Variants in ERC2 observed in about 807,000 individuals in gnomAD.
ERC2 encodes ERC protein 2.
A neutral mutation model predicts 114.8 loss-of-function variants in ERC2; 42 were observed. The ratio of observed to expected loss-of-function variants is 0.37; its 90% CI spans 0.29 to 0.47. The LOEUF is 0.47. Among genes scored for constraint, ERC2 ranks in the 20% least tolerant of loss-of-function variants. ERC2 has a pLI of 0.99. For missense variants in ERC2, 939 were observed against 1,150.7 expected, an observed-to-expected ratio of 0.82 and a Z score of 2.66; for synonymous variants, 454 against 425.5, an observed-to-expected ratio of 1.07 and a Z score of -0.82.
At chr3:56,187,187 G>T (rs777475678) in intron 3 of ERC2, among the ~76,000 whole-genome samples, 2 of 152,122 alleles carry the variant, frequency 1.3e-5, no homozygotes, top group Non-Finnish European at 2.9e-5. Context: ...TCTGCCTGTG[G>T]GTTCCCCCAG....
intron 7 of ERC2, among the ~76,000 whole-genome samples, chr3:56,059,542 G>A (rs955247881): frequency 1.3e-5 from 2 of 152,154 alleles, no homozygotes. Context: ...GAAAACTGAG[G>A]TGTCTTTGGG....
intron 1 of ERC2, among the ~76,000 whole-genome samples, chr3:56,445,187 G>A (rs1422066868): frequency 6.6e-6 from 1 of 152,126 alleles, no homozygotes; most frequent in Non-Finnish European, 1.5e-5. Context: ...GAGAGGACAT[G>A]TACCCTCCAG....
At chr3:55,785,688 C>T (rs1179401012) in intron 14 of ERC2, among the ~76,000 whole-genome samples, 1 of 152,220 alleles carries the variant, frequency 6.6e-6, no homozygotes, top group Non-Finnish European at 1.5e-5. Flanking sequence ...GTGCCTTTGA[C>T]TTTTCAGCAA....
intron 13 of ERC2, among the ~76,000 whole-genome samples, chr3:55,939,479 G>C (rs778925696): frequency 6.6e-6 from 1 of 152,202 alleles, no homozygotes; most frequent in African/African-American, 2.4e-5. Flanking sequence ...GGACTTCTCA[G>C]AGCCTTTAAC....
At chr3:55,910,366 C>A (rs901566903) in intron 13 of ERC2, among the ~76,000 whole-genome samples, 2 of 151,094 alleles carry the variant, frequency 1.3e-5, no homozygotes, top group African/African-American at 2.4e-5. Context: ...CATTCCAGCC[C>A]GGGTGACAGA....
chr3:56,147,232 G>A (rs188515561), intron 5 of ERC2, among the ~76,000 whole-genome samples: 66 of 152,256 alleles, frequency 4.3e-4, no homozygotes, highest in African/African-American at 1.5e-3. Flanking sequence ...GCCGAACCTC[G>A]GCTTAACTCT....
intron 2 of ERC2, among the ~76,000 whole-genome samples, chr3:56,383,464 A>G (rs2059826205): frequency 6.6e-6 from 1 of 152,204 alleles, no homozygotes; most frequent in African/African-American, 2.4e-5. Context: ...CTCCACTAGC[A>G]TATAAGCTCC....
intron 13 of ERC2, among the ~76,000 whole-genome samples, chr3:55,910,661 T>C (rs887437503): frequency 6.6e-6 from 1 of 152,218 alleles, no homozygotes; most frequent in Non-Finnish European, 1.5e-5. Flanking sequence ...CTTGTGAGTA[T>C]GAACAATCGT....
chr3:55,666,373 A>G (rs1388244664), intron 17 of ERC2, among the ~76,000 whole-genome samples: 3 of 152,146 alleles, frequency 2.0e-5, no homozygotes, highest in African/African-American at 7.2e-5. Flanking sequence ...TAACACACAC[A>G]TGGACATTTT....
intron 2 of ERC2, among the ~76,000 whole-genome samples, chr3:56,313,444 T>TTCCCATTTTCATTCAGCAAAAAGTTA (rs2056717645): frequency 6.6e-6 from 1 of 152,120 alleles, no homozygotes; most frequent in Admixed American, 6.5e-5. Context: ...GCAAATATTT[T>TTCCCATTTTCATTCAGCAAAAAGTTA]TTCCAAGAAT....
intron 2 of ERC2, among the ~76,000 whole-genome samples, chr3:56,310,342 A>C (rs924113686): frequency 6.6e-6 from 1 of 152,218 alleles, no homozygotes; most frequent in African/African-American, 2.4e-5. Flanking sequence ...TTATTATAGG[A>C]CGGCTCTTTC....
At chr3:55,714,981 T>C (rs2064027309) in intron 15 of ERC2, among the ~76,000 whole-genome samples, 1 of 152,096 alleles carries the variant, frequency 6.6e-6, no homozygotes, top group South Asian at 2.1e-4. Flanking sequence ...AATTTTGACT[T>C]TGGAGAATTG....
chr3:56,150,459 T>C (rs1243261049), intron 4 of ERC2, among the ~76,000 whole-genome samples: 1 of 152,202 alleles, frequency 6.6e-6, no homozygotes, highest in African/African-American at 2.4e-5. Flanking sequence ...TACCAAGAAC[T>C]GAGTGCTCTA....
chr3:55,951,720 G>A (rs1350541477), intron 12 of ERC2, among the ~76,000 whole-genome samples: 2 of 151,924 alleles, frequency 1.3e-5, no homozygotes, highest in Non-Finnish European at 2.9e-5. Flanking sequence ...CCATACCACA[G>A]CATTGCCAGG....
intron 2 of ERC2, among the ~76,000 whole-genome samples, chr3:56,378,032 G>A (rs969830684): frequency 2.6e-5 from 4 of 152,082 alleles, no homozygotes; most frequent in Non-Finnish European, 4.4e-5. Context: ...TCTTCTTGAA[G>A]GGAGCAGATC....
intron 17 of ERC2, among the ~76,000 whole-genome samples, chr3:55,613,896 T>A (rs888787554): frequency 2.1e-5 from 3 of 143,590 alleles, no homozygotes; most frequent in Non-Finnish European, 4.5e-5. Context: ...GCAAGGAGAA[T>A]TGCTTGAACT....
chr3:56,278,444 C>T (rs559598622), intron 3 of ERC2, among the ~76,000 whole-genome samples: 93 of 152,248 alleles, frequency 6.1e-4, no homozygotes, highest in Non-Finnish European at 1.2e-3. Context: ...TTGCAAACTG[C>T]AGGACACTAG....
chr3:55,524,619 T>TGG (rs1370848300), intron 17 of ERC2, among the ~76,000 whole-genome samples: 1 of 151,998 alleles, frequency 6.6e-6, no homozygotes, highest in Admixed American at 6.6e-5. Flanking sequence ...TAATTATATG[T>TGG]CAACATTTAA....
At chr3:56,082,574 G>C (rs1214130531) in intron 6 of ERC2, among the ~76,000 whole-genome samples, 1 of 152,074 alleles carries the variant, frequency 6.6e-6, no homozygotes, top group African/African-American at 2.4e-5. Context: ...GCCAGGGTTA[G>C]AACAATCCAG....
Sources: allele counts gnomAD v4.1 joint callset (sites outside exome capture counted in the v4.1 genomes callset), GRCh38; gene constraint gnomAD v4.1.1; transcripts MANE v1.5; gene names NCBI Gene and HGNC (gene_info 2026-07-23, HGNC 2026-07-21).